The following RAG2 variants were observed in gnomAD, a reference collection of about 807,000 sequenced individuals.
The protein encoded by RAG2 is recombination activating 2.
In RAG2, 16 loss-of-function variants were observed where a neutral mutation model predicts 31.8. The observed-to-expected ratio is 0.50, with a 90% CI of 0.34 to 0.76. The LOEUF (loss-of-function observed/expected upper bound fraction) is 0.76, where lower values mean the gene tolerates loss of function less well. Ranked by LOEUF, RAG2 falls within the 30% of genes least tolerant of loss-of-function variation. The pLI is 0.01. For missense variants in RAG2, 622 were observed against 628.5 expected (o/e 0.99, Z 0.11); for synonymous variants, 199 against 215.9 (o/e 0.92, Z 0.68).
chr11:36,592,498 C>G lies in RAG2; in HGVS notation c.*87G>C. 6.7e-7 allele frequency: 1 copy of G among 1,491,340 alleles called. No individual in the cohort carries two copies. The highest frequency in any genetic ancestry group is 9.1e-7 in the Non-Finnish European group (1 of 1,104,376). 92.4% of individuals were successfully genotyped at this position (1,491,340 alleles called of 1,614,324 possible). A position where few individuals can be genotyped will look rare whatever the true frequency, so the allele number is the denominator to read the frequency against. On this transcript the variant is annotated 3_prime_UTR_variant, in exon 2 of 2. Coordinates refer to ENST00000311485, the MANE Select transcript of RAG2 (RefSeq NM_000536.4). The stretch of plus-strand genomic sequence containing the variant: ...AGAAAACATAGGCATTTTAAATAAA[C>G]AAAAATGTATTTTTAAAATCAATGT...
At chr11:36,591,327 A>T (rs994453359), downstream of RAG2, among the ~76,000 whole-genome samples, 2 of 152,158 alleles carry the variant, frequency 1.3e-5, no homozygotes, top group Non-Finnish European at 2.9e-5. Flanking sequence ...TGTACCTTAC[A>T]CACTGTAGAC....
chr11:36,596,260 C>T lies in RAG2; in HGVS notation c.-28+1842G>A, dbSNP rs116969052. Among the ~76,000 whole-genome samples, 427 of 122,280 alleles carry T rather than the reference C, an allele frequency of 3.5e-3. 2 individuals are homozygous for T. The Middle Eastern group carries it at 0.092, about 26-fold the overall frequency. 80.2% of individuals were successfully genotyped at this position (122,280 alleles called of 152,430 possible). On this transcript the variant is annotated intron_variant, in intron 1 of 1. Coordinates refer to ENST00000311485, the MANE Select transcript of RAG2 (RefSeq NM_000536.4). ...TTTGCTTTAAAGAACTTCTGTAGAT[C>T]AGCTGTAATTTACTGCTAAATAATC...
In RAG2 at chr11:36,593,555, G is replaced by C; in HGVS notation, c.614C>G (p.Ser205Cys). The stretch of plus-strand genomic sequence containing the variant: ...ATTTTTGGCAATAGAGACATGAAAA[G>C]ATAGCCCATCCTGAAGTTCTGGAAG... Reference protein sequence around the residue: ...YILPELQDGLSFHVSIAKNDT... With the variant: ...YILPELQDGLCFHVSIAKNDT... Residue 205 changes from serine (S) to cysteine (C), a missense_variant, in exon 2 of 2, where the codon TCT becomes TGT. Coordinates refer to ENST00000311485, the MANE Select transcript of RAG2 (RefSeq NM_000536.4). 1 of 1,614,164 alleles carries C rather than the reference G, an allele frequency of 6.2e-7. No individual in the cohort carries two copies. Among genetic ancestry groups the C allele is most frequent in the Non-Finnish European group, 8.5e-7 (1 of 1,180,016 alleles).
intron 1 of RAG2, chr11:36,594,473 G>A (rs564205435): frequency 3.5e-4 from 145 of 409,340 alleles, no homozygotes; most frequent in African/African-American, 2.7e-3. Flanking sequence ...TGCGTCAGCT[G>A]AAAGAACCAC....
At position 36,593,981 on chromosome 11, in the gene RAG2, G is replaced by C; in HGVS notation, c.188C>G (p.Ser63Cys). Residue 63 changes from serine to cysteine, a missense_variant, in exon 2 of 2, where the codon TCT (serine) becomes TGT (cysteine). Physicochemically the swap from Ser to Cys is moderately radical, Grantham distance 112. Transcript: ENST00000311485. ...AGGAGGGAGGTAGCAGGAATCCTTA[G>C]AGAAAATTGTAGGCTTCAGTTTGAC... The part of the protein sequence containing the change: ...NHVKLKPTIF[S>C]KDSCYLPPLR... 1 of 1,614,162 alleles carries C rather than the reference G, an allele frequency of 6.2e-7. No homozygotes were observed. Among genetic ancestry groups the C allele is most frequent in the Non-Finnish European group, 8.5e-7 (1 of 1,180,022 alleles).
intron 1 of RAG2, chr11:36,595,127 C>T (rs566893568): frequency 8.5e-5 from 13 of 152,240 alleles, no homozygotes; most frequent in African/African-American, 3.1e-4. Context: ...ACTGTTTTTA[C>T]TCCTGTTTTT....
intron 1 of RAG2, among the ~76,000 whole-genome samples, chr11:36,596,211 G>GTTT (rs1243664769): frequency 0.012 from 1,161 of 100,484 alleles, 38 homozygotes; most frequent in African/African-American, 0.024. Context: ...AGATGGTAGT[G>GTTT]TTTTTTTTTT....
Position 36,592,609 on chromosome 11 carries a change from G to A in RAG2, c.1560C>T (p.Ser520=), listed in dbSNP as rs1310165990. The A allele has an allele frequency of 1.2e-6, 2 of 1,613,884 alleles. No homozygotes were observed. The highest frequency in any genetic ancestry group is 2.2e-5 in the East Asian group (1 of 44,878). The part of the protein sequence containing the change: ...SGKILTPAKK[S]FLRRLFD ...ACTAATCAAACAACCTTCTAAGAAA[G>A]GATTTCTTGGCAGGAGTCAAGATTT... The change falls in exon 2 of 2, where the codon TCC becomes TCT. Residue 520 remains serine (S), a synonymous_variant. Transcript: ENST00000311485.
downstream of RAG2, among the ~76,000 whole-genome samples, chr11:36,591,589 CAT>C (rs545915979): frequency 4.2e-3 from 587 of 139,720 alleles, 1 homozygote; most frequent in African/African-American, 0.016. Context: ...GCAATCTCCA[CAT>C]GTTAACTACA....
downstream of RAG2, among the ~76,000 whole-genome samples, chr11:36,591,760 G>A (rs563827954): frequency 6.6e-6 from 1 of 151,982 alleles, no homozygotes; most frequent in Non-Finnish European, 1.5e-5. Flanking sequence ...CTTTCTTATT[G>A]TATTCTTACT....
chr11:36,592,284 T>A lies in RAG2; in HGVS notation c.*301A>T. ...TATAATAAATATAAACATACCTCGA[T>A]GATTATTACTGCTTCTGGGTGTTTA... is the stretch of plus-strand genomic sequence containing the variant. On this transcript the variant is annotated 3_prime_UTR_variant, in exon 2 of 2. Transcript: ENST00000311485. The A allele has an allele frequency of 2.7e-6, 1 of 368,128 alleles. No individual in the cohort carries two copies. Among genetic ancestry groups the A allele is most frequent in the Non-Finnish European group, 5.0e-6 (1 of 200,196 alleles). The allele number at this position is 368,128 out of a possible 1,614,324, so 22.8% of individuals were successfully genotyped here. A position where few individuals can be genotyped will look rare whatever the true frequency, so the allele number is the denominator to read the frequency against.
Position 36,594,051 on chromosome 11 carries a change from A to G in RAG2, c.118T>C (p.Ser40Pro). The change falls in exon 2 of 2, where the codon TCC becomes CCC. Residue 40 changes from serine to proline, a missense_variant. By Grantham distance (74) the Ser-to-Pro change is moderately conservative (BLOSUM62 -1). Coordinates refer to ENST00000311485, the MANE Select transcript of RAG2 (RefSeq NM_000536.4). ...FFGQKGWPKRSCPTGVFHLDV... is the reference protein window; with the variant it reads ...FFGQKGWPKRPCPTGVFHLDV... Reference sequence around the variant, plus strand: ...AGATGGAAAACTCCAGTGGGGCAGGATCTTTTGGGCCAGCCTTTTTGTCCA... The same window carrying G: ...AGATGGAAAACTCCAGTGGGGCAGGGTCTTTTGGGCCAGCCTTTTTGTCCA... The G allele has an allele frequency of 1.2e-6, 2 of 1,614,140 alleles. No individual in the cohort carries two copies. Among genetic ancestry groups the G allele is most frequent in the Non-Finnish European group, 1.7e-6 (2 of 1,179,994 alleles).
chr11:36,593,355 C>A lies in RAG2; in HGVS notation c.814G>T (p.Val272Phe), dbSNP rs117899975. 2 of 1,613,954 alleles carry A rather than the reference C, an allele frequency of 1.2e-6. No homozygotes were observed. The highest frequency in any genetic ancestry group is 1.3e-5 in the African/African-American group (1 of 74,882). The change falls in exon 2 of 2, where the codon GTT (valine) becomes TTT (phenylalanine). Residue 272 changes from valine to phenylalanine, a missense_variant. Val to Phe is a conservative substitution (Grantham distance 50, BLOSUM62 -1). Transcript: ENST00000311485. ...TCAAGCTGATAGCCACCAACAATAACAAATTCATCATTGTTAGTTTGAGTC... is the reference window on the plus strand; with the variant it reads ...TCAAGCTGATAGCCACCAACAATAAAAAATTCATCATTGTTAGTTTGAGTC... ...ILTQTNNDEF[V>F]IVGGYQLENQ...
chr11:36,598,118 C>T lies in RAG2; in HGVS notation c.-44G>A, dbSNP rs1275808627. The T allele has an allele frequency of 6.6e-6, 1 of 152,032 alleles. No homozygotes were observed. Among genetic ancestry groups the T allele is most frequent in the African/African-American group, 2.4e-5 (1 of 41,422 alleles). 9.4% of individuals were successfully genotyped at this position (152,032 alleles called of 1,614,324 possible). A position where few individuals can be genotyped will look rare whatever the true frequency, so the allele number is the denominator to read the frequency against. On this transcript the variant is annotated 5_prime_UTR_variant, in exon 1 of 2. Transcript: ENST00000311485. ...CAGACCTACCTGAAGGCCAGAGGGGCTGCTCACGCCTCTCTGAATCTTTGC... is the reference window on the plus strand; with the variant it reads ...CAGACCTACCTGAAGGCCAGAGGGGTTGCTCACGCCTCTCTGAATCTTTGC...
chr11:36,593,052 C>T lies in RAG2; in HGVS notation c.1117G>A (p.Gly373Arg), dbSNP rs774916204. 5.6e-6 allele frequency: 9 copies of T among 1,614,052 alleles called. No homozygotes were observed. In the Admixed American group the frequency reaches 1.2e-4, roughly 21 times the overall value. The change falls in exon 2 of 2, where the codon GGG (glycine) becomes AGG (arginine). Residue 373 changes from glycine (G) to arginine (R), a missense_variant. Physicochemically the swap from Gly to Arg is moderately radical, Grantham distance 125 (BLOSUM62 -2). Coordinates refer to ENST00000311485, the MANE Select transcript of RAG2 (RefSeq NM_000536.4). ...GAGTCTTCAAAGGGAGTGGAATCCC[C>T]TGGATCTTCTGTTGATGTTTGACTG... ...TNSQTSTEDP[G>R]DSTPFEDSEE...
chr11:36,593,399 G>A lies in RAG2; in HGVS notation c.770C>T (p.Ser257Phe). The A allele has an allele frequency of 6.2e-7, 1 of 1,614,092 alleles. No homozygotes were observed. Among genetic ancestry groups the A allele is most frequent in the Non-Finnish European group, 8.5e-7 (1 of 1,180,040 alleles). The change falls in exon 2 of 2, where the codon TCT becomes TTT. Residue 257 changes from serine to phenylalanine, a missense_variant. Transcript: ENST00000311485. ...VNCTVLPGGI[S>F]VSSAILTQTN... The stretch of plus-strand genomic sequence containing the variant: ...TTGAGTCAGGATTGCACTGGAGACA[G>A]AGATTCCTCCTGGCAAGACTGTGCA...
intron 1 of RAG2, among the ~76,000 whole-genome samples, chr11:36,596,222 GTTTT>G (rs67282079): frequency 3.4e-5 from 4 of 118,368 alleles, no homozygotes; most frequent in African/African-American, 1.2e-4. Context: ...TTTTTTTTTT[GTTTT>G]TTTTTTTTTT....
intron 1 of RAG2, chr11:36,597,572 A>C (rs1851321803): frequency 6.6e-6 from 1 of 152,202 alleles, no homozygotes. Flanking sequence ...GTTGAGTATA[A>C]TGAAAGGACT....
intron 1 of RAG2, among the ~76,000 whole-genome samples, chr11:36,596,028 A>G (rs1381022485): frequency 6.6e-6 from 1 of 152,186 alleles, no homozygotes; most frequent in Admixed American, 6.5e-5. Flanking sequence ...CTTGGTATAT[A>G]TTCACTGGGC....
Sources: gnomAD v4.1 joint callset for allele counts (sites outside exome capture counted in the v4.1 genomes callset) on GRCh38, gnomAD v4.1.1 for gene constraint, MANE v1.5 for transcripts, NCBI Gene and HGNC (gene_info 2026-07-23, HGNC 2026-07-21) for gene names.